GFAP: variants seen among roughly 807,000 people sequenced by gnomAD.
The protein encoded by GFAP is intermediate filament protein.
Under a neutral mutation model 49.3 loss-of-function variants are expected in GFAP, and 38 were observed. The ratio of observed to expected loss-of-function variants is 0.77; its 90% CI spans 0.60 to 1.01. The LOEUF (loss-of-function observed/expected upper bound fraction) is 1.01, where lower values mean the gene tolerates loss of function less well. Ranked by LOEUF, GFAP falls within the 50% of genes least tolerant of loss-of-function variation. The pLI, the probability that GFAP is intolerant of heterozygous loss-of-function variation, is 0.00. For synonymous variants in GFAP, 222 were observed against 236.4 expected (o/e 0.94, Z 0.56); for missense variants, 463 against 579.1 (o/e 0.80, Z 2.06).
chr17:44,912,982 A>G, intron 4 of GFAP: 1 of 449,924 alleles, frequency 2.2e-6, no homozygotes, highest in Non-Finnish European at 4.1e-6. Flanking sequence ...CATCTGTCAA[A>G]GAACAGCACC....
In GFAP at chr17:44,911,803, T is replaced by A. The variant is rs1265050961; in HGVS notation, c.781-6A>T. Reference sequence around the variant, plus strand: ...GCGTCTGTCAGGTCTGCAAACTAGGTGGGGGACACATATGGGGGGCTGTGT... The same window carrying A: ...GCGTCTGTCAGGTCTGCAAACTAGGAGGGGGACACATATGGGGGGCTGTGT... On this transcript the variant is annotated splice_region_variant and splice_polypyrimidine_tract_variant and intron_variant, in intron 4 of 8. Coordinates refer to ENST00000588735, the MANE Select transcript of GFAP (RefSeq NM_002055.5). 3 of 1,611,712 alleles carry A rather than the reference T, an allele frequency of 1.9e-6. No homozygotes were observed. Among genetic ancestry groups the A allele is most frequent in the Non-Finnish European group, 2.5e-6 (3 of 1,179,254 alleles).
At chr17:44,908,001 T>A in intron 8 of GFAP, 63 bp downstream of exon 8, 3 of 1,136,804 alleles carry the variant, frequency 2.6e-6, no homozygotes, top group Non-Finnish European at 4.0e-6. Context: ...CTTTCCTCCA[T>A]GGCCTGGCCT....
At position 44,906,454 on chromosome 17, in the gene GFAP, G is replaced by C. The variant is rs1363080366; in HGVS notation, c.*893C>G. On this transcript the variant is annotated 3_prime_UTR_variant, in exon 9 of 9. Transcript: ENST00000588735. ...TGTACCCACAGCTGGGGGCCAGGCA[G>C]CCCCCCTCTATCCCTCCCAGCACCT... The C allele has an allele frequency of 6.6e-6, 1 of 152,534 alleles. No homozygotes were observed. The highest frequency in any genetic ancestry group is 1.5e-5 in the Non-Finnish European group (1 of 68,374). 9.4% of individuals were successfully genotyped at this position (152,534 alleles called of 1,614,324 possible). A position where few individuals can be genotyped will look rare whatever the true frequency, so the allele number is the denominator to read the frequency against.
intron 7 of GFAP, chr17:44,909,549 A>C (rs1402941284): frequency 6.5e-6 from 1 of 154,628 alleles, no homozygotes; most frequent in East Asian, 1.9e-4. Context: ...GTCCAGAAGA[A>C]GAGGAATTTT....
Position 44,903,806 on chromosome 17 carries a change from C to T in GFAP, c.*3541G>A, listed in dbSNP as rs1597847690. On this transcript the variant is annotated 3_prime_UTR_variant, in exon 9 of 9. Transcript: ENST00000588735. ...TTAATGCCCTGGTTTTGCCCTGCCC[C>T]TCTGACCCCTGCCTCCTTCAGGTAT... is the stretch of plus-strand genomic sequence containing the variant. 6.5e-7 allele frequency: 1 copy of T among 1,540,764 alleles called. No individual in the cohort carries two copies. Among genetic ancestry groups the T allele is most frequent in the Non-Finnish European group, 8.8e-7 (1 of 1,141,546 alleles).
chr17:44,913,351 G>A lies in GFAP; in HGVS notation c.698C>T (p.Ala233Val), dbSNP rs573163091. ...ELDVAKPDLTAALKEIRTQYE... is the reference protein window; with the variant it reads ...ELDVAKPDLTVALKEIRTQYE... ...CTGCGTGCGGATCTCTTTCAGGGCT[G>A]CGGTGAGGTCTGGCTTGGCCACGTC... is the stretch of plus-strand genomic sequence containing the variant. Residue 233 changes from alanine to valine, a missense_variant, in exon 4 of 9, where the codon GCA (alanine) becomes GTA (valine). Ala to Val is a moderately conservative substitution (Grantham distance 64). This residue lies in a region of GFAP where 362 missense variants were observed against 445.5 expected (regional missense o/e 0.81). Transcript: ENST00000588735. 1 of 1,614,132 alleles carries A rather than the reference G, an allele frequency of 6.2e-7. No homozygotes were observed. Among genetic ancestry groups the A allele is most frequent in the African/African-American group, 1.3e-5 (1 of 75,054 alleles).
intron 4 of GFAP, among the ~76,000 whole-genome samples, chr17:44,912,108 GTTTTTGTT>G (rs1555574314): frequency 6.6e-6 from 1 of 150,704 alleles, no homozygotes; most frequent in African/African-American, 2.5e-5. Flanking sequence ...TGTTTTGTGT[GTTTTTGTT>G]TTTTTGTTTT....
In GFAP at chr17:44,903,517, A is replaced by G. The variant is rs2051597479; in HGVS notation, c.*3830T>C. 1 of 1,283,410 alleles carries G rather than the reference A, an allele frequency of 7.8e-7. No individual in the cohort carries two copies. 79.5% of individuals were successfully genotyped at this position (1,283,410 alleles called of 1,614,324 possible). A position where few individuals can be genotyped will look rare whatever the true frequency, so the allele number is the denominator to read the frequency against. On this transcript the variant is annotated 3_prime_UTR_variant, in exon 9 of 9. Coordinates refer to ENST00000588735, the MANE Select transcript of GFAP (RefSeq NM_002055.5). ...CCGAGCACCTCGGCCCGCCCTTCTC[A>G]TTCCGGTTTCCTTTGACCCATTCTT...
At chr17:44,910,538 A>C (rs1020009561) in intron 7 of GFAP, 77 bp downstream of exon 7, 1 of 1,553,484 alleles carries the variant, frequency 6.4e-7, no homozygotes, top group African/African-American at 1.4e-5. Context: ...CCTCAGTCCC[A>C]GTCTGGAGCA....
chr17:44,908,207 C>T (rs770795679), intron 7 of GFAP, 58 bp from the exon 8 acceptor site: 1 of 1,214,684 alleles, frequency 8.2e-7, no homozygotes, highest in East Asian at 2.3e-5. Context: ...GCCATCCTCT[C>T]CCATGCCCGG....
intron 5 of GFAP, 46 bp from the exon 6 acceptor site, chr17:44,911,502 G>C: frequency 5.8e-6 from 9 of 1,564,474 alleles, no homozygotes; most frequent in Non-Finnish European, 7.8e-6. Flanking sequence ...GACCCGACTT[G>C]GGGAGGTTTC....
chr17:44,909,774 A>C lies in GFAP; in HGVS notation c.1171+841T>G, dbSNP rs186505537. 3.6e-6 allele frequency: 4 copies of C among 1,111,532 alleles called. No individual in the cohort carries two copies. The Admixed American group carries it at 1.4e-4, about 38-fold the overall frequency. The allele number at this position is 1,111,532 out of a possible 1,614,324, so 68.9% of individuals were successfully genotyped here. A position where few individuals can be genotyped will look rare whatever the true frequency, so the allele number is the denominator to read the frequency against. On this transcript the variant is annotated intron_variant, in intron 7 of 8. Coordinates refer to ENST00000588735, the MANE Select transcript of GFAP (RefSeq NM_002055.5). The stretch of plus-strand genomic sequence containing the variant: ...GAGTCAGCACTGAGCTGAGCGATGG[A>C]GCCTCAGGGATGAAAGAATAAAGCA...
intron 1 of GFAP, chr17:44,914,290 A>G: frequency 5.1e-6 from 3 of 589,520 alleles, no homozygotes; most frequent in Non-Finnish European, 9.1e-6. Flanking sequence ...TTAACTCATT[A>G]CTAAGGTGCC....
intron 8 of GFAP, 147 bp from the exon 9 acceptor site, chr17:44,907,535 G>A: frequency 1.4e-6 from 1 of 709,664 alleles, no homozygotes; most frequent in East Asian, 2.7e-5. Flanking sequence ...GCCTTGCGTG[G>A]TGGACAGAGG....
chr17:44,908,390 C>T, intron 7 of GFAP: 1 of 414,918 alleles, frequency 2.4e-6, no homozygotes, highest in Non-Finnish European at 4.4e-6. Context: ...CCTCTGCAAG[C>T]CCTGGCCTGG....
At position 44,913,055 on chromosome 17, in the gene GFAP, A is replaced by G. The variant is rs2051809775; in HGVS notation, c.780+214T>C. ...TTAGAACAGAACAGTATCAGCTACT[A>G]CTAATAATAGCAATAGTAGCAGTAA... On this transcript the variant is annotated intron_variant, in intron 4 of 8. Transcript: ENST00000588735. The G allele has an allele frequency of 4.9e-6, 3 of 615,388 alleles. No individual in the cohort carries two copies. In the Admixed American group the frequency reaches 7.5e-5, roughly 15 times the overall value. The allele number at this position is 615,388 out of a possible 1,614,324, so 38.1% of individuals were successfully genotyped here.
In GFAP at chr17:44,915,202, C is replaced by T. The variant is rs780940137; in HGVS notation, c.285G>A (p.Lys95=). The change falls in exon 1 of 9, where the codon AAG becomes AAA. Residue 95 remains lysine, a synonymous_variant. Transcript: ENST00000588735. The surrounding 1 kb of genome is among the most constrained non-coding windows in gnomAD (Gnocchi z 4.1). ...EKVRFLEQQN[K]ALAAELNQLR... Reference sequence around the variant, plus strand: ...GCTGGTTCAGCTCAGCAGCCAGCGCCTTGTTTTGCTGTTCCAGGAAGCGAA... The same window carrying T: ...GCTGGTTCAGCTCAGCAGCCAGCGCTTTGTTTTGCTGTTCCAGGAAGCGAA... 4 of 1,614,112 alleles carry T rather than the reference C, an allele frequency of 2.5e-6. No individual in the cohort carries two copies. Among genetic ancestry groups the T allele is most frequent in the East Asian group, 4.5e-5 (2 of 44,894 alleles).
intron 7 of GFAP, 162 bp downstream of exon 7, chr17:44,910,453 G>A: frequency 6.4e-7 from 1 of 1,566,162 alleles, no homozygotes; most frequent in Non-Finnish European, 8.6e-7. Flanking sequence ...AAGTACCCTG[G>A]TATGATAGGC....
intron 7 of GFAP, 167 bp from the exon 8 acceptor site, chr17:44,908,316 A>C: frequency 6.4e-5 from 26 of 405,312 alleles, no homozygotes; most frequent in Non-Finnish European, 7.7e-5. Flanking sequence ...GAGCCCCCAA[A>C]TCCCAATAGT....
Sources: gnomAD v4.1 joint callset for allele counts (sites outside exome capture counted in the v4.1 genomes callset) on GRCh38, gnomAD v4.1.1 for gene constraint, gnomAD v4.1.1 regional missense constraint, Gnocchi (gnomAD v3.1) non-coding constraint, MANE v1.5 for transcripts, NCBI Gene and HGNC (gene_info 2026-07-23, HGNC 2026-07-21) for gene names.